KPNA3: variants seen among roughly 807,000 people sequenced by gnomAD.
KPNA3 encodes karyopherin subunit alpha 3.
Under a neutral mutation model 73.8 loss-of-function variants are expected in KPNA3, and 13 were observed. The observed-to-expected ratio is 0.18, with a 90% CI of 0.11 to 0.28. The LOEUF is 0.28. Ranked by LOEUF, KPNA3 falls within the 10% of genes least tolerant of loss-of-function variation. The pLI is 1.00. For missense variants in KPNA3, 360 were observed against 618.1 expected (o/e 0.58, Z 4.43); for synonymous variants, 186 against 206.9 (o/e 0.90, Z 0.87).
chr13:49,742,244 A>G (rs888764349), intron 2 of KPNA3, among the ~76,000 whole-genome samples: 1 of 152,220 alleles, frequency 6.6e-6, no homozygotes, highest in Admixed American at 6.5e-5. Flanking sequence ...CTTGCGTGTC[A>G]GAGCATATCT....
intron 2 of KPNA3, among the ~76,000 whole-genome samples, chr13:49,744,026 A>C (rs1247447423): frequency 6.6e-6 from 1 of 152,204 alleles, no homozygotes; most frequent in East Asian, 1.9e-4. Context: ...CTAAATATGC[A>C]AAATAATCTG....
At chr13:49,728,694 T>C (rs1387877110) in intron 6 of KPNA3, among the ~76,000 whole-genome samples, 1 of 152,224 alleles carries the variant, frequency 6.6e-6, no homozygotes, top group African/African-American at 2.4e-5. Flanking sequence ...TTATTCTTGT[T>C]GACCTTCTAG....
intron 2 of KPNA3, among the ~76,000 whole-genome samples, chr13:49,745,325 TTCCTTC>T (rs1285325223): frequency 1.3e-5 from 2 of 152,144 alleles, no homozygotes; most frequent in African/African-American, 4.8e-5. Context: ...CAAGACCTCC[TTCCTTC>T]TCCCTACAAC....
At chr13:49,780,558 C>G (rs1402401301) in intron 1 of KPNA3, among the ~76,000 whole-genome samples, 1 of 152,108 alleles carries the variant, frequency 6.6e-6, no homozygotes, top group East Asian at 1.9e-4. Flanking sequence ...CTCATCTTCA[C>G]CAATCCATCC....
chr13:49,770,941 T>C (rs935203021), intron 1 of KPNA3, among the ~76,000 whole-genome samples: 1 of 151,908 alleles, frequency 6.6e-6, no homozygotes, highest in African/African-American at 2.4e-5. Flanking sequence ...CATATGTCTA[T>C]CCTTATGCCA....
intron 1 of KPNA3, among the ~76,000 whole-genome samples, chr13:49,781,584 C>T (rs1215522860): frequency 6.6e-6 from 1 of 152,178 alleles, no homozygotes; most frequent in Non-Finnish European, 1.5e-5. Flanking sequence ...CGAATAGCTG[C>T]TGAGTGACAT....
intron 1 of KPNA3, among the ~76,000 whole-genome samples, chr13:49,757,161 C>A (rs1954718479): frequency 6.6e-6 from 1 of 151,906 alleles, no homozygotes; most frequent in South Asian, 2.1e-4. Context: ...AAAGCATGAT[C>A]CATAACAGAA....
intron 1 of KPNA3, among the ~76,000 whole-genome samples, chr13:49,762,148 G>C (rs1369951562): frequency 6.6e-6 from 1 of 150,508 alleles, no homozygotes; most frequent in African/African-American, 2.4e-5. Flanking sequence ...CGTCCGGGAG[G>C]GAGGTGGGGG....
intron 1 of KPNA3, among the ~76,000 whole-genome samples, chr13:49,776,103 C>G (rs1160120186): frequency 6.6e-6 from 1 of 152,112 alleles, no homozygotes; most frequent in African/African-American, 2.4e-5. Context: ...TTAGTAGAGA[C>G]AAGAGTTTCG....
At chr13:49,775,605 C>G (rs1033444495) in intron 1 of KPNA3, among the ~76,000 whole-genome samples, 5 of 152,106 alleles carry the variant, frequency 3.3e-5, no homozygotes, top group African/African-American at 9.7e-5. Flanking sequence ...CAGTTCATCC[C>G]CACCAAGAAG....
intron 13 of KPNA3, 41 bp from the exon 14 acceptor site, chr13:49,706,210 C>T: frequency 1.2e-6 from 2 of 1,608,862 alleles, no homozygotes; most frequent in South Asian, 1.1e-5. Flanking sequence ...ACTCTTTATC[C>T]AAAAAGTCTT....
intron 1 of KPNA3, among the ~76,000 whole-genome samples, chr13:49,761,874 G>A (rs1343284389): frequency 8.0e-5 from 12 of 149,924 alleles, no homozygotes; most frequent in Admixed American, 4.0e-4. Context: ...TGTGAGGAGC[G>A]CCTCTGCCCA....
intron 6 of KPNA3, among the ~76,000 whole-genome samples, chr13:49,730,934 G>A (rs1487011871): frequency 1.3e-5 from 2 of 151,154 alleles, no homozygotes; most frequent in South Asian, 2.1e-4. Flanking sequence ...CTGCCACCAC[G>A]CCCGGCTGAT....
intron 1 of KPNA3, among the ~76,000 whole-genome samples, chr13:49,787,358 T>C (rs1954991473): frequency 6.6e-6 from 1 of 152,246 alleles, no homozygotes; most frequent in Non-Finnish European, 1.5e-5. Context: ...TTTTAAAGTA[T>C]AGAAATAGCA....
At chr13:49,736,297 T>G (rs950550781) in intron 2 of KPNA3, among the ~76,000 whole-genome samples, 6 of 152,154 alleles carry the variant, frequency 3.9e-5, no homozygotes, top group Non-Finnish European at 7.4e-5. Context: ...ACCCACAAGT[T>G]TTATAAGTTA....
intron 15 of KPNA3, among the ~76,000 whole-genome samples, chr13:49,704,699 T>C (rs1954190247): frequency 1.3e-5 from 2 of 152,162 alleles, no homozygotes; most frequent in South Asian, 4.1e-4. Flanking sequence ...AACATATGTT[T>C]CACATGTCAT....
chr13:49,709,711 GA>G lies in KPNA3; in HGVS notation c.904-12del. On this transcript the variant is annotated splice_polypyrimidine_tract_variant and intron_variant, in intron 11 of 16. Transcript: ENST00000261667. ...TCTGAGGGCTGCTGTCTAGGGTGGG[GA>G]TAAAATGTTTTCTATAAATTTATTT... 6.3e-7 allele frequency: 1 copy of G among 1,599,396 alleles called. No individual in the cohort carries two copies. Among genetic ancestry groups the G allele is most frequent in the African/African-American group, 1.4e-5 (1 of 74,070 alleles).
intron 1 of KPNA3, among the ~76,000 whole-genome samples, chr13:49,775,194 G>GA: frequency 7.2e-6 from 1 of 138,034 alleles, no homozygotes; most frequent in African/African-American, 2.7e-5. Flanking sequence ...AAAGAAAAAA[G>GA]AAAAAAGAAT....
chr13:49,704,423 TAAATAAATAAA>T (rs1267521569), intron 15 of KPNA3, among the ~76,000 whole-genome samples: 1,755 of 97,358 alleles, frequency 0.018, 27 homozygotes, highest in South Asian at 0.053. Context: ...AAAAAAAAAA[TAAATAAATAAA>T]AAATAAATAA....
Sources: allele counts gnomAD v4.1 joint callset (sites outside exome capture counted in the v4.1 genomes callset), GRCh38; gene constraint gnomAD v4.1.1; transcripts MANE v1.5; gene names NCBI Gene and HGNC (gene_info 2026-07-23, HGNC 2026-07-21).